Variants in ANKS1B observed in about 807,000 individuals in gnomAD.
The protein encoded by ANKS1B is ankyrin repeat and sterile alpha motif domain containing 1B, also known as ankyrin repeat and sterile alpha motif domain-containing protein 1B.
ANKS1B carries 36 observed loss-of-function variants against 148.3 expected under a neutral mutation model. That is an observed-to-expected ratio of 0.24 (90% CI 0.19 to 0.32). The LOEUF (loss-of-function observed/expected upper bound fraction) is 0.32. Among genes scored for constraint, ANKS1B ranks in the 10% least tolerant of loss-of-function variants. The probability of loss-of-function intolerance (pLI) is 1.00; values close to 1 mark genes in which losing one functional copy is unlikely to be tolerated. For missense variants in ANKS1B, 1,157 were observed against 1,542.6 expected (o/e 0.75, Z 4.19); for synonymous variants, 542 against 560.8 (o/e 0.97, Z 0.47).
chr12:99,733,689 G>C (rs941879193), intron 8 of ANKS1B, among the ~76,000 whole-genome samples: 1 of 152,130 alleles, frequency 6.6e-6, no homozygotes, highest in Admixed American at 6.5e-5. Flanking sequence ...TTTAAACCCA[G>C]GATGTTATAA....
chr12:99,356,467 G>C lies in ANKS1B; in HGVS notation c.1756+43164C>G, dbSNP rs559190569. 2.6e-4 allele frequency among the ~76,000 whole-genome samples: 39 copies of C among 152,220 alleles called. No homozygotes were observed. The South Asian group carries it at 7.7e-3, about 30-fold the overall frequency. ...TTACACTGAGGAGCCTGCTGAGAGA[G>C]CATGCCAGCATCAGGAAGGAAAATT... is the stretch of plus-strand genomic sequence containing the variant. On this transcript the variant is annotated intron_variant, in intron 12 of 26. Coordinates refer to ENST00000683438, the MANE Select transcript of ANKS1B (RefSeq NM_001352186.2).
chr12:99,010,994 C>T (rs966336331), intron 17 of ANKS1B, among the ~76,000 whole-genome samples: 5 of 151,038 alleles, frequency 3.3e-5, no homozygotes, highest in East Asian at 1.9e-4. Context: ...CCACCCACCT[C>T]GGCCTCTCAA....
At chr12:98,847,273 G>A (rs12824689) in intron 17 of ANKS1B, among the ~76,000 whole-genome samples, 24,923 of 151,900 alleles carry the variant, frequency 0.16, 2,256 homozygotes, top group Admixed American at 0.27. Context: ...TTCCATTTCT[G>A]CCCCCAGCCC....
chr12:99,251,064 T>C (rs1178926121), intron 12 of ANKS1B, among the ~76,000 whole-genome samples: 1 of 152,140 alleles, frequency 6.6e-6, no homozygotes, highest in Non-Finnish European at 1.5e-5. Context: ...CTCTGGAGTC[T>C]CTCTTATAAG....
At chr12:99,633,788 A>T (rs2098200038) in intron 9 of ANKS1B, among the ~76,000 whole-genome samples, 1 of 152,210 alleles carries the variant, frequency 6.6e-6, no homozygotes. Flanking sequence ...ACAAATTTAC[A>T]AGAAAAAAAC....
chr12:99,470,585 GT>G (rs1321268769), intron 10 of ANKS1B, among the ~76,000 whole-genome samples: 1 of 152,114 alleles, frequency 6.6e-6, no homozygotes, highest in African/African-American at 2.4e-5. Context: ...TTTTATACAT[GT>G]GGTTATAGTT....
chr12:99,020,946 A>G (rs1258530218), intron 17 of ANKS1B, among the ~76,000 whole-genome samples: 1 of 152,176 alleles, frequency 6.6e-6, no homozygotes, highest in East Asian at 1.9e-4. Context: ...CAAACACAAA[A>G]TTTAACATAC....
chr12:99,108,441 T>C (rs1366771287), intron 15 of ANKS1B, among the ~76,000 whole-genome samples: 1 of 152,162 alleles, frequency 6.6e-6, no homozygotes, highest in East Asian at 1.9e-4. Flanking sequence ...AAAGCATGAA[T>C]GGATCTGGAA....
At position 99,731,413 on chromosome 12, in the gene ANKS1B, C is replaced by CCTGTGTGTGTGT. The variant is rs1237223581; in HGVS notation, c.1128+41508_1128+41509insACACACACACAG. On this transcript the variant is annotated intron_variant, in intron 8 of 26. Transcript: ENST00000683438. ...GGATTATAGGCGTGAACCACCGTGC[C>CCTGTGTGTGTGT]GTGTGTGTGTGTGTGTGTGTGTGTG... 3.6e-3 allele frequency among the ~76,000 whole-genome samples: 515 copies of CCTGTGTGTGTGT among 143,830 alleles called. 5 individuals are homozygous for CCTGTGTGTGTGT. The highest frequency in any genetic ancestry group is 0.02 in the South Asian group (86 of 4,390). 94.4% of individuals were successfully genotyped at this position (143,830 alleles called of 152,430 possible).
At chr12:98,767,779 A>G (rs1236330169) in intron 25 of ANKS1B, among the ~76,000 whole-genome samples, 1 of 152,248 alleles carries the variant, frequency 6.6e-6, no homozygotes, top group Non-Finnish European at 1.5e-5. Flanking sequence ...TGAGAAATCT[A>G]GAGTAACTAA....
intron 14 of ANKS1B, among the ~76,000 whole-genome samples, chr12:99,230,403 G>A (rs567010985): frequency 2.2e-4 from 34 of 152,104 alleles, no homozygotes; most frequent in African/African-American, 7.9e-4. Context: ...CTACTAATGG[G>A]CGATTTCACT....
chr12:99,509,990 A>C (rs2096748313), intron 9 of ANKS1B, among the ~76,000 whole-genome samples: 5 of 152,040 alleles, frequency 3.3e-5, no homozygotes, highest in Admixed American at 1.3e-4. Flanking sequence ...TGCTCTATAA[A>C]TGAAACAACA....
chr12:98,915,614 T>C (rs1046459313), intron 17 of ANKS1B, among the ~76,000 whole-genome samples: 4 of 152,042 alleles, frequency 2.6e-5, no homozygotes, highest in Admixed American at 6.5e-5. Context: ...TGGCCTCTCA[T>C]AGTGCTGGGA....
At chr12:99,343,855 A>G (rs7960534) in intron 12 of ANKS1B, 82 of 152,136 alleles carry the variant, frequency 5.4e-4, no homozygotes, top group African/African-American at 1.9e-3. Flanking sequence ...TTTAGTTGCT[A>G]CATGCAGCGG....
intron 12 of ANKS1B, among the ~76,000 whole-genome samples, chr12:99,382,729 GA>G (rs2093694576): frequency 6.8e-6 from 1 of 146,724 alleles, no homozygotes; most frequent in Non-Finnish European, 1.5e-5. Flanking sequence ...GAGAGAGAGA[GA>G]GAGAGCTTGC....
At chr12:99,671,080 A>G (rs1188894744) in intron 8 of ANKS1B, among the ~76,000 whole-genome samples, 1 of 152,184 alleles carries the variant, frequency 6.6e-6, no homozygotes, top group Admixed American at 6.5e-5. Flanking sequence ...CATAATTCAG[A>G]TGTTTGGACA....
At chr12:99,018,327 G>A (rs2099943783) in intron 17 of ANKS1B, among the ~76,000 whole-genome samples, 1 of 152,160 alleles carries the variant, frequency 6.6e-6, no homozygotes, top group African/African-American at 2.4e-5. Flanking sequence ...CCATCTACAA[G>A]GAAGGGTCCT....
At position 99,291,137 on chromosome 12, in the gene ANKS1B, T is replaced by G. The variant is rs60438664; in HGVS notation, c.1757-44273A>C. Among the ~76,000 whole-genome samples, 1,106 of 152,174 alleles carry G rather than the reference T, an allele frequency of 7.3e-3. 10 individuals carry two copies. Among genetic ancestry groups the G allele is most frequent in the African/African-American group, 0.025 (1,039 of 41,528 alleles). On this transcript the variant is annotated intron_variant, in intron 12 of 26. Coordinates refer to ENST00000683438, the MANE Select transcript of ANKS1B (RefSeq NM_001352186.2). ...AAAAGAAATCAAATCCCATTTCCAA[T>G]AGTTATGAATAAAATAAAATACTTA...
intron 8 of ANKS1B, among the ~76,000 whole-genome samples, chr12:99,705,579 A>G (rs560201238): frequency 8.5e-5 from 13 of 152,280 alleles, no homozygotes; most frequent in Non-Finnish European, 1.3e-4. Flanking sequence ...TCAACACTAG[A>G]ATTTCACATC....
Sources: allele counts gnomAD v4.1 joint callset (sites outside exome capture counted in the v4.1 genomes callset), GRCh38; gene constraint gnomAD v4.1.1; transcripts MANE v1.5; gene names NCBI Gene and HGNC (gene_info 2026-07-23, HGNC 2026-07-21).